Variants in NXPH1 observed in about 807,000 individuals in gnomAD.
NXPH1 encodes neurexophilin 1.
Under a neutral mutation model 23.7 loss-of-function variants are expected in NXPH1, and 5 were observed. The observed-to-expected ratio is 0.21, with a 90% confidence interval of 0.11 to 0.44. The LOEUF (loss-of-function observed/expected upper bound fraction) is 0.44. Among genes scored for constraint, NXPH1 ranks in the 20% least tolerant of loss-of-function variants. NXPH1 has a pLI of 0.99. For synonymous variants in NXPH1, 144 were observed against 122.2 expected (o/e 1.18, Z -1.18); for missense variants, 324 against 321.6 (o/e 1.01, Z -0.06).
intron 2 of NXPH1, among the ~76,000 whole-genome samples, chr7:8,527,871 T>C (rs888303934): frequency 1.3e-5 from 2 of 152,166 alleles, no homozygotes; most frequent in African/African-American, 2.4e-5. Context: ...AGAAGGAACA[T>C]GGGATGTGGA....
At chr7:8,639,804 T>C (rs1393117523) in intron 2 of NXPH1, among the ~76,000 whole-genome samples, 1 of 152,172 alleles carries the variant, frequency 6.6e-6, no homozygotes, top group Non-Finnish European at 1.5e-5. Flanking sequence ...TTTCACTTCT[T>C]CCTCATTTTT....
intron 2 of NXPH1, among the ~76,000 whole-genome samples, chr7:8,674,601 G>A (rs1820919541): frequency 6.6e-6 from 1 of 152,146 alleles, no homozygotes; most frequent in Non-Finnish European, 1.5e-5. Context: ...GGAGTTTGGG[G>A]TTCCAGGCAT....
chr7:8,657,891 G>C (rs1249458036), intron 2 of NXPH1, among the ~76,000 whole-genome samples: 1 of 152,130 alleles, frequency 6.6e-6, no homozygotes, highest in Non-Finnish European at 1.5e-5. Context: ...AGCTGGGTGT[G>C]TTAGCACGCA....
intron 2 of NXPH1, among the ~76,000 whole-genome samples, chr7:8,512,641 A>G (rs1337409296): frequency 1.3e-5 from 2 of 152,170 alleles, no homozygotes; most frequent in Non-Finnish European, 2.9e-5. Flanking sequence ...TTCATACTAT[A>G]AAGTTAACCA....
At chr7:8,581,989 G>C (rs933073282) in intron 2 of NXPH1, among the ~76,000 whole-genome samples, 1 of 152,194 alleles carries the variant, frequency 6.6e-6, no homozygotes, top group Admixed American at 6.5e-5. Context: ...AGAGTGGTGA[G>C]GGGTGTGTGG....
intron 2 of NXPH1, among the ~76,000 whole-genome samples, chr7:8,615,587 A>G (rs1819716964): frequency 6.6e-6 from 1 of 152,104 alleles, no homozygotes. Flanking sequence ...TGGAACAATT[A>G]TATCAGAATC....
intron 2 of NXPH1, among the ~76,000 whole-genome samples, chr7:8,589,463 G>A (rs1335273346): frequency 6.6e-6 from 1 of 152,042 alleles, no homozygotes; most frequent in East Asian, 1.9e-4. Context: ...CTATGTGGAT[G>A]GAATCCTGCT....
At chr7:8,540,770 G>A (rs755116891) in intron 2 of NXPH1, among the ~76,000 whole-genome samples, 15 of 151,688 alleles carry the variant, frequency 9.9e-5, no homozygotes, top group Admixed American at 4.6e-4. Context: ...CACTCACACA[G>A]TGCCAGCAAT....
intron 2 of NXPH1, among the ~76,000 whole-genome samples, chr7:8,630,548 C>G (rs1319613871): frequency 6.6e-6 from 1 of 152,064 alleles, no homozygotes; most frequent in South Asian, 2.1e-4. Flanking sequence ...AAATGTTCTA[C>G]AAGCATATAC....
intron 2 of NXPH1, among the ~76,000 whole-genome samples, chr7:8,488,238 TATCTTACATATTACATCTTACATACTAC>T (rs1181788565): frequency 6.8e-6 from 1 of 147,690 alleles, no homozygotes; most frequent in Non-Finnish European, 1.5e-5. Flanking sequence ...ACACATACTA[TATCTTACATATTACATCTTACATACTAC>T]ATCTTACATA....
chr7:8,511,795 C>G (rs1339249184), intron 2 of NXPH1, among the ~76,000 whole-genome samples: 1 of 152,086 alleles, frequency 6.6e-6, no homozygotes, highest in Non-Finnish European at 1.5e-5. Context: ...GTTTGTAGAC[C>G]CTACTGAAGA....
At position 8,683,721 on chromosome 7, in the gene NXPH1, A is replaced by G. The variant is rs1583229237; in HGVS notation, c.55-67287A>G. On this transcript the variant is annotated intron_variant, in intron 2 of 2. Coordinates refer to ENST00000405863, the MANE Select transcript of NXPH1 (RefSeq NM_152745.3). ...TGGCATTAACTACTATTACTTTTGCACCAACATAATTTTTTTTGTTCTAGA... is the reference window on the plus strand; with the variant it reads ...TGGCATTAACTACTATTACTTTTGCGCCAACATAATTTTTTTTGTTCTAGA... Among the ~76,000 whole-genome samples the G allele has an allele frequency of 2.0e-5, 3 of 152,246 alleles. 1 individual carries two copies. The highest frequency in any genetic ancestry group is 4.1e-4 in the South Asian group (2 of 4,822).
intron 2 of NXPH1, among the ~76,000 whole-genome samples, chr7:8,659,289 C>T (rs1820632020): frequency 6.6e-6 from 1 of 152,120 alleles, no homozygotes; most frequent in Admixed American, 6.6e-5. Context: ...ACATTGGATG[C>T]CTTCAGTATT....
intron 2 of NXPH1, among the ~76,000 whole-genome samples, chr7:8,625,852 A>G (rs1819976136): frequency 6.6e-6 from 1 of 152,148 alleles, no homozygotes; most frequent in African/African-American, 2.4e-5. Flanking sequence ...TTGTAGATTA[A>G]CCCCACAGCC....
intron 2 of NXPH1, among the ~76,000 whole-genome samples, chr7:8,629,899 C>T (rs1232447907): frequency 6.6e-6 from 1 of 152,054 alleles, no homozygotes; most frequent in East Asian, 1.9e-4. Flanking sequence ...GGTCCTACAA[C>T]CTTTTGCCTC....
In NXPH1 at chr7:8,751,499, C is replaced by T. The variant is rs191884609; in HGVS notation, c.546C>T (p.Thr182=). The change falls in exon 3 of 3, where the codon ACC becomes ACT. Residue 182 remains threonine (T), a synonymous_variant. Transcript: ENST00000405863. The surrounding 1 kb of genome is among the most constrained non-coding windows in gnomAD (Gnocchi z 4.5). Reference sequence around the variant, plus strand: ...TGGAATTTGACTTGGCACAACAAACCGTGATTGATGCCAAAGATTCCAAGT... The same window carrying T: ...TGGAATTTGACTTGGCACAACAAACTGTGATTGATGCCAAAGATTCCAAGT... The part of the protein sequence containing the change: ...KIVEFDLAQQ[T]VIDAKDSKSF... 7.6e-5 allele frequency: 123 copies of T among 1,613,622 alleles called. No homozygotes were observed. In the East Asian group the frequency reaches 2.1e-3, roughly 28 times the overall value.
intron 2 of NXPH1, among the ~76,000 whole-genome samples, chr7:8,499,602 C>A (rs1584195238): frequency 6.6e-6 from 1 of 152,164 alleles, no homozygotes; most frequent in Non-Finnish European, 1.5e-5. Flanking sequence ...CAGCATCTTC[C>A]CAGGACCTCC....
At chr7:8,516,816 A>G (rs1817694375) in intron 2 of NXPH1, among the ~76,000 whole-genome samples, 1 of 152,136 alleles carries the variant, frequency 6.6e-6, no homozygotes, top group Non-Finnish European at 1.5e-5. Context: ...TTTATTAACA[A>G]CAAAATCATG....
chr7:8,739,783 A>G (rs1487754295), intron 2 of NXPH1, among the ~76,000 whole-genome samples: 1 of 152,186 alleles, frequency 6.6e-6, no homozygotes, highest in Non-Finnish European at 1.5e-5. Flanking sequence ...CTTATTCTAT[A>G]AACTTTTTCT....
Sources: allele counts gnomAD v4.1 joint callset (sites outside exome capture counted in the v4.1 genomes callset), GRCh38; gene constraint gnomAD v4.1.1; non-coding constraint Gnocchi (gnomAD v3.1); transcripts MANE v1.5; gene names NCBI Gene and HGNC (gene_info 2026-07-23, HGNC 2026-07-21).